Variants in CDH10 observed in about 807,000 individuals in gnomAD.
The protein encoded by CDH10 is cadherin-10.
In CDH10, 30 loss-of-function variants were observed where a neutral mutation model predicts 73.1. The observed-to-expected ratio is 0.41, with a 90% confidence interval of 0.31 to 0.56. The LOEUF (loss-of-function observed/expected upper bound fraction) is 0.56, where lower values mean the gene tolerates loss of function less well. Among genes scored for constraint, CDH10 ranks in the 20% least tolerant of loss-of-function variants. The pLI is 0.27. For missense variants in CDH10, 815 were observed against 973.7 expected (o/e 0.84, Z 2.17); for synonymous variants, 345 against 348.2 (o/e 0.99, Z 0.10).
chr5:24,541,370 G>A (rs1156553536), intron 2 of CDH10, among the ~76,000 whole-genome samples: 2 of 151,680 alleles, frequency 1.3e-5, no homozygotes, highest in East Asian at 1.9e-4. Flanking sequence ...GTGCGTCTGC[G>A]GCACAATTTT....
chr5:24,510,207 AT>A (rs1261831617), intron 6 of CDH10, among the ~76,000 whole-genome samples: 1 of 152,206 alleles, frequency 6.6e-6, no homozygotes, highest in Non-Finnish European at 1.5e-5. Context: ...ACATGCAGTT[AT>A]CTTTTTACAT....
In CDH10 at chr5:24,487,580, G is replaced by A. The variant is rs1741884651; in HGVS notation, c.*83C>T. ...AAATTGTGCTGACTGGCAGGAAAAT[G>A]CTCCTGAATATCAAATATTGTGAAG... On this transcript the variant is annotated 3_prime_UTR_variant, in exon 12 of 12. Transcript: ENST00000264463. The A allele has an allele frequency of 1.5e-6, 2 of 1,356,190 alleles. No homozygotes were observed. The highest frequency in any genetic ancestry group is 1.5e-5 in the South Asian group (1 of 68,466). The allele number at this position is 1,356,190 out of a possible 1,614,324, so 84.0% of individuals were successfully genotyped here.
At chr5:24,491,898 T>A (rs2111643127) in intron 10 of CDH10, 71 bp from the exon 11 acceptor site, 1 of 872,882 alleles carries the variant, frequency 1.1e-6, no homozygotes, top group Non-Finnish European at 1.7e-6. Flanking sequence ...CACCAAGGTT[T>A]AACATATAAA....
intron 5 of CDH10, among the ~76,000 whole-genome samples, chr5:24,534,582 A>T (rs548010506): frequency 5.2e-4 from 79 of 152,256 alleles, no homozygotes; most frequent in South Asian, 1.0e-3. Flanking sequence ...GCAAAATGTT[A>T]TACTAAGGTT....
Position 24,503,348 on chromosome 5 carries a change from T to C in CDH10, c.1393+1764A>G, listed in dbSNP as rs1486110389. ...AGGTCAAGAGTTGCTCTACACCACA[T>C]ACATCACACCATGGGAATTAGCAAA... On this transcript the variant is annotated intron_variant, in intron 8 of 11. Transcript: ENST00000264463. Among the ~76,000 whole-genome samples, 3 of 152,338 alleles carry C rather than the reference T, an allele frequency of 2.0e-5. No homozygotes were observed. In the East Asian group the frequency reaches 5.8e-4, roughly 29 times the overall value.
intron 5 of CDH10, among the ~76,000 whole-genome samples, chr5:24,525,942 A>G (rs1169465798): frequency 2.6e-5 from 4 of 152,074 alleles, no homozygotes; most frequent in Non-Finnish European, 5.9e-5. Context: ...AATAGATAAT[A>G]CACAATGGCA....
At chr5:24,542,596 C>G (rs1400789914) in intron 2 of CDH10, among the ~76,000 whole-genome samples, 1 of 152,106 alleles carries the variant, frequency 6.6e-6, no homozygotes, top group Non-Finnish European at 1.5e-5. Flanking sequence ...TGCACAATGA[C>G]AAAATTGCCT....
chr5:24,631,963 A>T (rs1747718287), intron 1 of CDH10, among the ~76,000 whole-genome samples: 1 of 152,106 alleles, frequency 6.6e-6, no homozygotes, highest in Non-Finnish European at 1.5e-5. Context: ...AAAAAGTTGA[A>T]ATTTACAGAA....
intron 9 of CDH10, among the ~76,000 whole-genome samples, chr5:24,497,906 T>C (rs1050279969): frequency 6.6e-6 from 1 of 152,194 alleles, no homozygotes; most frequent in African/African-American, 2.4e-5. Context: ...GCTGTAATGA[T>C]GAAATGCAAT....
At chr5:24,595,064 T>C (rs1274309960) in intron 1 of CDH10, among the ~76,000 whole-genome samples, 1 of 151,932 alleles carries the variant, frequency 6.6e-6, no homozygotes, top group East Asian at 1.9e-4. Flanking sequence ...GTAATTTTTA[T>C]ATTATTCTTC....
intron 1 of CDH10, among the ~76,000 whole-genome samples, chr5:24,618,199 A>G (rs1297337256): frequency 1.3e-5 from 2 of 152,222 alleles, no homozygotes; most frequent in Non-Finnish European, 2.9e-5. Flanking sequence ...GATAAAACTG[A>G]TGTAAAATCA....
chr5:24,622,301 T>C (rs1342799875), intron 1 of CDH10, among the ~76,000 whole-genome samples: 1 of 152,030 alleles, frequency 6.6e-6, no homozygotes, highest in African/African-American at 2.4e-5. Flanking sequence ...TGGGAAAGAG[T>C]ATGCATGATA....
At chr5:24,581,436 A>C (rs1428643938) in intron 2 of CDH10, among the ~76,000 whole-genome samples, 3 of 152,108 alleles carry the variant, frequency 2.0e-5, no homozygotes, top group African/African-American at 7.2e-5. Flanking sequence ...ATCTTGCTAC[A>C]TCTCTTCTTT....
intron 8 of CDH10, among the ~76,000 whole-genome samples, chr5:24,503,622 T>A (rs1742578386): frequency 6.6e-6 from 1 of 152,166 alleles, no homozygotes; most frequent in Non-Finnish European, 1.5e-5. Flanking sequence ...CAGGTTTTAG[T>A]GAATAAAATT....
At chr5:24,497,973 T>C (rs1032806324) in intron 9 of CDH10, among the ~76,000 whole-genome samples, 13 of 152,316 alleles carry the variant, frequency 8.5e-5, no homozygotes, top group African/African-American at 3.1e-4. Context: ...TCTGCACACA[T>C]CAGAAAAGTG....
chr5:24,614,761 G>A (rs1267352003), intron 1 of CDH10, among the ~76,000 whole-genome samples: 1 of 152,072 alleles, frequency 6.6e-6, no homozygotes, highest in Non-Finnish European at 1.5e-5. Context: ...TATTTTATAT[G>A]TACCCATGTA....
rs144039224 is a variant in CDH10 at position 24,546,065 on chromosome 5, G to A, written c.232-8391C>T. 9.0e-3 allele frequency among the ~76,000 whole-genome samples: 1,370 copies of A among 152,108 alleles called. 30 individuals are homozygous for A. The highest frequency in any genetic ancestry group is 9.8e-3 in the Non-Finnish European group (669 of 67,988). On this transcript the variant is annotated intron_variant, in intron 2 of 11. Coordinates refer to ENST00000264463, the MANE Select transcript of CDH10 (RefSeq NM_006727.5). ...GCAGACTACGGTCTCGAGGGACTAT[G>A]GTCAAAGAGAGGAAAGAGATAAACG...
intron 9 of CDH10, 148 bp from the exon 10 acceptor site, chr5:24,493,073 G>C (rs78596698): frequency 2.0e-6 from 1 of 502,130 alleles, no homozygotes; most frequent in African/African-American, 2.0e-5. Flanking sequence ...CATCTTTTTA[G>C]TATTACTTTG....
At chr5:24,642,567 T>C (rs1243863106) in intron 1 of CDH10, among the ~76,000 whole-genome samples, 1 of 152,126 alleles carries the variant, frequency 6.6e-6, no homozygotes, top group Non-Finnish European at 1.5e-5. Context: ...TCTCTTTTTC[T>C]TTTTTAAAGA....
Sources: allele counts gnomAD v4.1 joint callset (sites outside exome capture counted in the v4.1 genomes callset), GRCh38; gene constraint gnomAD v4.1.1; transcripts MANE v1.5; gene names NCBI Gene and HGNC (gene_info 2026-07-23, HGNC 2026-07-21).